The following STK32B variants were observed in gnomAD, a reference collection of about 807,000 sequenced individuals.
STK32B encodes serine/threonine-protein kinase 32B.
Under a neutral mutation model 52.6 loss-of-function variants are expected in STK32B, and 43 were observed. The observed-to-expected ratio is 0.82, with a 90% CI of 0.64 to 1.05. STK32B has a LOEUF of 1.05. STK32B is among the 50% of genes least tolerant of loss of function. STK32B has a pLI of 0.00. For missense variants in STK32B, 621 were observed against 534.6 expected, an observed-to-expected ratio of 1.16 and a Z score of -1.59; for synonymous variants, 238 against 204.3, an observed-to-expected ratio of 1.17 and a Z score of -1.41.
chr4:5,341,942 T>C (rs9884657), intron 4 of STK32B, among the ~76,000 whole-genome samples: 56,971 of 152,006 alleles, frequency 0.37, 15,711 homozygotes, highest in African/African-American at 0.78. Flanking sequence ...GTGTGCTGCA[T>C]CCATTAACTC....
chr4:5,178,169 C>A (rs973821899), intron 3 of STK32B, among the ~76,000 whole-genome samples: 1 of 152,232 alleles, frequency 6.6e-6, no homozygotes, highest in African/African-American at 2.4e-5. Flanking sequence ...TGTTTCTATA[C>A]ATCCTCTGAA....
rs560765789 is a variant in STK32B, at chr4:5,365,573, A to G, written c.435-32634A>G. Among the ~76,000 whole-genome samples, 132 of 152,356 alleles carry G rather than the reference A, an allele frequency of 8.7e-4. 1 individual carries two copies. The highest frequency in any genetic ancestry group is 3.1e-3 in the African/African-American group (129 of 41,580). On this transcript the variant is annotated intron_variant, in intron 4 of 11. Transcript: ENST00000282908. The stretch of plus-strand genomic sequence containing the variant: ...CATATCAAATAACACTCTGTTTTAC[A>G]GCAGTGAAATTAGAGTCTGGGCTGG...
At chr4:5,150,482 G>GT (rs1187686869) in intron 2 of STK32B, among the ~76,000 whole-genome samples, 3 of 152,046 alleles carry the variant, frequency 2.0e-5, no homozygotes, top group South Asian at 2.1e-4. Flanking sequence ...ATTCTACTGT[G>GT]TTTTTTAAAA....
At chr4:5,210,451 G>T (rs1210503852) in intron 3 of STK32B, among the ~76,000 whole-genome samples, 1 of 152,140 alleles carries the variant, frequency 6.6e-6, no homozygotes, top group Non-Finnish European at 1.5e-5. Flanking sequence ...TCTTTCATCA[G>T]TATCACAGAT....
At chr4:5,420,637 G>A (rs779754827) in intron 6 of STK32B, among the ~76,000 whole-genome samples, 4 of 152,148 alleles carry the variant, frequency 2.6e-5, no homozygotes, top group Non-Finnish European at 4.4e-5. Context: ...ATCCCCCAAG[G>A]AGGATGCAGG....
At chr4:5,229,484 C>T (rs1724105497) in intron 3 of STK32B, among the ~76,000 whole-genome samples, 1 of 152,070 alleles carries the variant, frequency 6.6e-6, no homozygotes, top group African/African-American at 2.4e-5. Context: ...GACCTGGTTT[C>T]TTTGGCATAG....
chr4:5,354,801 C>T (rs1264653634), intron 4 of STK32B, among the ~76,000 whole-genome samples: 1 of 151,900 alleles, frequency 6.6e-6, no homozygotes, highest in African/African-American at 2.4e-5. Context: ...ATTGTATGTA[C>T]CCCATAAATA....
In STK32B at chr4:5,485,320, C is replaced by T. The variant is rs922004346; in HGVS notation, c.1107-13625C>T. Among the ~76,000 whole-genome samples, 21 of 152,056 alleles carry T rather than the reference C, an allele frequency of 1.4e-4. 1 individual carries two copies. Among genetic ancestry groups the T allele is most frequent in the East Asian group, 5.8e-4 (3 of 5,186 alleles). ...TCTTTTTTCTCTGAACTTCTCTTCT[C>T]GATTCTTTTCATTCATTTCATCTTC... On this transcript the variant is annotated intron_variant, in intron 11 of 11. Transcript: ENST00000282908.
intron 11 of STK32B, among the ~76,000 whole-genome samples, chr4:5,474,637 G>A (rs1194438800): frequency 6.6e-6 from 1 of 152,164 alleles, no homozygotes; most frequent in Non-Finnish European, 1.5e-5. Context: ...AGCACATGTA[G>A]GTTCTGTCCA....
intron 3 of STK32B, among the ~76,000 whole-genome samples, chr4:5,308,348 G>A (rs1237553137): frequency 6.6e-6 from 1 of 152,170 alleles, no homozygotes; most frequent in Non-Finnish European, 1.5e-5. Flanking sequence ...TTCTCCACAT[G>A]CTACTCTGTC....
At position 5,280,385 on chromosome 4, in the gene STK32B, C is replaced by G. The variant is rs1328677250; in HGVS notation, c.261-50835C>G. On this transcript the variant is annotated intron_variant, in intron 3 of 11. Transcript: ENST00000282908. Reference sequence around the variant, plus strand: ...TCCATGTCACTATCAGCATCTTGGTCACAAGCATTCAACAAGTCTCTAGGA... The same window carrying G: ...TCCATGTCACTATCAGCATCTTGGTGACAAGCATTCAACAAGTCTCTAGGA... Among the ~76,000 whole-genome samples, 3 of 152,182 alleles carry G rather than the reference C, an allele frequency of 2.0e-5. No individual in the cohort carries two copies. In the East Asian group the frequency reaches 5.8e-4, roughly 29 times the overall value.
Position 5,302,240 on chromosome 4 carries a change from C to T in STK32B, c.261-28980C>T, listed in dbSNP as rs566900872. 9.3e-5 allele frequency among the ~76,000 whole-genome samples: 14 copies of T among 151,288 alleles called. No homozygotes were observed. The East Asian group carries it at 2.7e-3, about 29-fold the overall frequency. On this transcript the variant is annotated intron_variant, in intron 3 of 11. Coordinates refer to ENST00000282908, the MANE Select transcript of STK32B (RefSeq NM_018401.3). ...AAAAAATCACAAAGAATTATATATGCTTTCAGTGTATCCCCAGATTAACAT... is the reference window on the plus strand; with the variant it reads ...AAAAAATCACAAAGAATTATATATGTTTTCAGTGTATCCCCAGATTAACAT...
chr4:5,086,406 C>A (rs1218723711), intron 1 of STK32B, among the ~76,000 whole-genome samples: 3 of 151,952 alleles, frequency 2.0e-5, no homozygotes, highest in African/African-American at 7.3e-5. Context: ...CGTTAGATGA[C>A]CACTAAGCTA....
chr4:5,390,115 A>G (rs1736506789), intron 4 of STK32B, among the ~76,000 whole-genome samples: 1 of 152,220 alleles, frequency 6.6e-6, no homozygotes, highest in South Asian at 2.1e-4. Flanking sequence ...CTGTGAGAGA[A>G]TGAAGGTGTG....
chr4:5,496,946 C>CT (rs1720315872), intron 11 of STK32B, among the ~76,000 whole-genome samples: 1 of 151,940 alleles, frequency 6.6e-6, no homozygotes, highest in Non-Finnish European at 1.5e-5. Context: ...GCTTAGAGAA[C>CT]GATAAAGAAA....
In STK32B at chr4:5,353,299, A is replaced by G. The variant is rs554556023; in HGVS notation, c.434+21906A>G. Among the ~76,000 whole-genome samples the G allele has an allele frequency of 4.1e-4, 63 of 151,974 alleles. 3 individuals carry two copies. The highest frequency in any genetic ancestry group is 1.5e-3 in the African/African-American group (62 of 41,292). On this transcript the variant is annotated intron_variant, in intron 4 of 11. Transcript: ENST00000282908. The stretch of plus-strand genomic sequence containing the variant: ...ATGTAAGACAATAAACTATAAAACT[A>G]CTGGAAGAAAACAAGGAAAACAATT...
intron 4 of STK32B, among the ~76,000 whole-genome samples, chr4:5,388,811 C>G (rs757177185): frequency 2.6e-5 from 4 of 152,202 alleles, no homozygotes; most frequent in Non-Finnish European, 5.9e-5. Context: ...TTAATTGACC[C>G]TGGTGCATCC....
intron 2 of STK32B, among the ~76,000 whole-genome samples, chr4:5,162,653 T>C (rs947800507): frequency 2.6e-4 from 39 of 152,222 alleles, no homozygotes; most frequent in Admixed American, 2.6e-3. Flanking sequence ...GAATGTTAAT[T>C]GGGTGCTTGC....
In STK32B at chr4:5,500,447, T is replaced by C. The variant is rs1475664252; in HGVS notation, c.*1364T>C. ...ACTCACCCAGCAGGTCAGTTTTCTG[T>C]GCAAACAAACCTGTTTAGGATTCTT... On this transcript the variant is annotated 3_prime_UTR_variant, in exon 12 of 12. Coordinates refer to ENST00000282908, the MANE Select transcript of STK32B (RefSeq NM_018401.3). The C allele has an allele frequency of 6.6e-6, 1 of 151,836 alleles. No individual in the cohort carries two copies. The highest frequency in any genetic ancestry group is 1.5e-5 in the Non-Finnish European group (1 of 68,050). The allele number at this position is 151,836 out of a possible 1,614,324, so 9.4% of individuals were successfully genotyped here. A position where few individuals can be genotyped will look rare whatever the true frequency, so the allele number is the denominator to read the frequency against.
Sources: gnomAD v4.1 joint callset for allele counts (sites outside exome capture counted in the v4.1 genomes callset) on GRCh38, gnomAD v4.1.1 for gene constraint, MANE v1.5 for transcripts, NCBI Gene and HGNC (gene_info 2026-07-23, HGNC 2026-07-21) for gene names.